The following BARD1 variants were observed in gnomAD, a reference collection of about 807,000 sequenced individuals.
BARD1 encodes the protein BRCA1-associated RING domain protein 1.
Under a neutral mutation model 77.0 loss-of-function variants are expected in BARD1, and 73 were observed. That is an observed-to-expected ratio of 0.95 (90% CI 0.79 to 1.15). The LOEUF (loss-of-function observed/expected upper bound fraction) is 1.15. Among genes scored for constraint, BARD1 ranks in the 50% most tolerant of loss-of-function variants. The probability of loss-of-function intolerance (pLI) is 0.00; values close to 1 mark genes in which losing one functional copy is unlikely to be tolerated. For missense variants in BARD1, 993 were observed against 938.8 expected (o/e 1.06, Z -0.75); for synonymous variants, 384 against 338.0 (o/e 1.14, Z -1.49).
chr2:214,773,551 C>G (rs567438706), intron 4 of BARD1, among the ~76,000 whole-genome samples: 1 of 152,042 alleles, frequency 6.6e-6, no homozygotes, highest in Non-Finnish European at 1.5e-5. Flanking sequence ...ACAAGTCACA[C>G]GAATCTTCTG....
chr2:214,786,683 G>A (rs1695290870), intron 3 of BARD1, among the ~76,000 whole-genome samples: 1 of 151,952 alleles, frequency 6.6e-6, no homozygotes, highest in African/African-American at 2.4e-5. Flanking sequence ...ACTTCCTGCA[G>A]ATGAAATGGA....
chr2:214,746,257 A>T (rs1302005178), intron 7 of BARD1, among the ~76,000 whole-genome samples: 1 of 152,208 alleles, frequency 6.6e-6, no homozygotes, highest in African/African-American at 2.4e-5. Context: ...GTTTAAACTG[A>T]GATTATCTGA....
intron 7 of BARD1, among the ~76,000 whole-genome samples, chr2:214,749,725 A>AC (rs1693313368): frequency 6.6e-6 from 1 of 152,028 alleles, no homozygotes; most frequent in South Asian, 2.1e-4. Context: ...TTGAGTACCG[A>AC]CCTAAGTTTT....
At chr2:214,734,375 TTG>T (rs1203875811) in intron 9 of BARD1, among the ~76,000 whole-genome samples, 2 of 152,126 alleles carry the variant, frequency 1.3e-5, no homozygotes, top group South Asian at 2.1e-4. Flanking sequence ...AGTTGTTCCA[TTG>T]TTACTTCTCT....
At position 214,727,438 on chromosome 2, in the gene BARD1, A is replaced by G. The variant is rs1692128878; in HGVS notation, c.*1238T>C. 1 of 231,778 alleles carries G rather than the reference A, an allele frequency of 4.3e-6. No individual in the cohort carries two copies. The highest frequency in any genetic ancestry group is 8.5e-6 in the Non-Finnish European group (1 of 117,202). 14.4% of individuals were successfully genotyped at this position (231,778 alleles called of 1,614,324 possible). A position where few individuals can be genotyped will look rare whatever the true frequency, so the allele number is the denominator to read the frequency against. On this transcript the variant is annotated 3_prime_UTR_variant, in exon 11 of 11. Coordinates refer to ENST00000260947, the MANE Select transcript of BARD1 (RefSeq NM_000465.4). ...TCTCCTTCCCCAAGTCTTTAATTTTATAAGTATATTCAATGTCTAGGAAGG... is the reference window on the plus strand; with the variant it reads ...TCTCCTTCCCCAAGTCTTTAATTTTGTAAGTATATTCAATGTCTAGGAAGG...
At chr2:214,799,824 T>A (rs1477868114) in intron 1 of BARD1, among the ~76,000 whole-genome samples, 1 of 152,160 alleles carries the variant, frequency 6.6e-6, no homozygotes, top group African/African-American at 2.4e-5. Context: ...TCCCATCTCC[T>A]CACCTTCCTA....
At chr2:214,805,261 C>T (rs75129332) in intron 1 of BARD1, among the ~76,000 whole-genome samples, 3,568 of 152,334 alleles carry the variant, frequency 0.023, 51 homozygotes, top group Non-Finnish European at 0.033. Flanking sequence ...TCGACCTGCA[C>T]GACAATTTAC....
intron 1 of BARD1, among the ~76,000 whole-genome samples, chr2:214,806,069 C>G (rs1338607445): frequency 6.6e-6 from 1 of 152,148 alleles, no homozygotes; most frequent in Admixed American, 6.5e-5. Context: ...TAAATAGCTT[C>G]TTTCTGGTTG....
intron 1 of BARD1, among the ~76,000 whole-genome samples, chr2:214,802,943 A>C (rs1696091398): frequency 6.6e-6 from 1 of 152,210 alleles, no homozygotes; most frequent in African/African-American, 2.4e-5. Flanking sequence ...TATAGAAAGA[A>C]GTAGACATAG....
In BARD1 at chr2:214,769,218, A is replaced by C. The variant is rs781216748; in HGVS notation, c.1395+14T>G. 1 of 1,601,302 alleles carries C rather than the reference A, an allele frequency of 6.2e-7. No homozygotes were observed. The highest frequency in any genetic ancestry group is 1.3e-5 in the African/African-American group (1 of 74,740). ...AAAACACAGAAAGAATGAGAATAAA[A>C]ACCAGACAACTACCAATGGTGTCCA... On this transcript the variant is annotated intron_variant, in intron 5 of 10. Coordinates refer to ENST00000260947, the MANE Select transcript of BARD1 (RefSeq NM_000465.4).
chr2:214,800,133 T>G (rs1695949533), intron 1 of BARD1, among the ~76,000 whole-genome samples: 1 of 152,246 alleles, frequency 6.6e-6, no homozygotes, highest in Admixed American at 6.5e-5. Flanking sequence ...CTTCCTAAGA[T>G]GACTGAACTC....
In BARD1 at chr2:214,727,877, G is replaced by A. The variant is rs1295393163; in HGVS notation, c.*799C>T. On this transcript the variant is annotated 3_prime_UTR_variant, in exon 11 of 11. Coordinates refer to ENST00000260947, the MANE Select transcript of BARD1 (RefSeq NM_000465.4). ...ATGACGTTGGACTGACAATTTGCTA[G>A]ACTGGTCAGACCTTTTAAAAAATAC... 9.1e-6 allele frequency: 2 copies of A among 219,230 alleles called. No homozygotes were observed. Among genetic ancestry groups the A allele is most frequent in the Non-Finnish European group, 1.8e-5 (2 of 109,448 alleles). 13.6% of individuals were successfully genotyped at this position (219,230 alleles called of 1,614,324 possible). A position where few individuals can be genotyped will look rare whatever the true frequency, so the allele number is the denominator to read the frequency against.
chr2:214,777,182 A>C (rs1288918812), intron 4 of BARD1, among the ~76,000 whole-genome samples: 1 of 152,168 alleles, frequency 6.6e-6, no homozygotes, highest in Non-Finnish European at 1.5e-5. Context: ...TTGAATCACT[A>C]ACTTTGTGGA....
chr2:214,800,766 T>C (rs1695981103), intron 1 of BARD1, among the ~76,000 whole-genome samples: 2 of 152,256 alleles, frequency 1.3e-5, no homozygotes, highest in South Asian at 4.1e-4. Context: ...TGTCATACTT[T>C]TTTTAAAAAA....
At chr2:214,740,094 A>G (rs1692751608) in intron 9 of BARD1, among the ~76,000 whole-genome samples, 1 of 151,982 alleles carries the variant, frequency 6.6e-6, no homozygotes, top group Admixed American at 6.6e-5. Context: ...AACCGAACAC[A>G]GTCTAACGTC....
intron 2 of BARD1, among the ~76,000 whole-genome samples, chr2:214,794,199 C>T (rs531501004): frequency 6.6e-6 from 1 of 152,138 alleles, no homozygotes; most frequent in African/African-American, 2.4e-5. Context: ...TGTAGTGAGC[C>T]ATGATCGCGC....
intron 3 of BARD1, among the ~76,000 whole-genome samples, chr2:214,788,629 G>T (rs1695383757): frequency 6.6e-6 from 1 of 152,048 alleles, no homozygotes; most frequent in Non-Finnish European, 1.5e-5. Flanking sequence ...AAATGTGAGA[G>T]ATGTTCACCA....
intron 1 of BARD1, among the ~76,000 whole-genome samples, chr2:214,799,698 T>G (rs139822512): frequency 1.3e-5 from 2 of 152,316 alleles, no homozygotes; most frequent in East Asian, 3.9e-4. Context: ...AGGTAATCTC[T>G]CCTTTGACAC....
At chr2:214,786,629 C>G (rs1695288561) in intron 3 of BARD1, among the ~76,000 whole-genome samples, 1 of 151,984 alleles carries the variant, frequency 6.6e-6, no homozygotes, top group South Asian at 2.1e-4. Flanking sequence ...CATGGTCCCT[C>G]TCTAGCAAAA....
Sources: gnomAD v4.1 joint callset for allele counts (sites outside exome capture counted in the v4.1 genomes callset) on GRCh38, gnomAD v4.1.1 for gene constraint, MANE v1.5 for transcripts, NCBI Gene and HGNC (gene_info 2026-07-23, HGNC 2026-07-21) for gene names.